The following DLC1 variants were observed in gnomAD, a reference collection of about 807,000 sequenced individuals.
DLC1 encodes the protein rho GTPase-activating protein 7.
DLC1 carries 54 observed loss-of-function variants against 140.3 expected under a neutral mutation model. The ratio of observed to expected loss-of-function variants is 0.38; its 90% CI spans 0.31 to 0.48. The LOEUF (loss-of-function observed/expected upper bound fraction) is 0.48. Among genes scored for constraint, DLC1 ranks in the 20% least tolerant of loss-of-function variants. The pLI is 0.96. For synonymous variants in DLC1, 986 were observed against 728.1 expected, an observed-to-expected ratio of 1.35 and a Z score of -5.70; for missense variants, 2,536 against 1,907.0, an observed-to-expected ratio of 1.33 and a Z score of -6.14.
At chr8:13,495,306 T>C (rs1801451653) in intron 2 of DLC1, among the ~76,000 whole-genome samples, 1 of 152,184 alleles carries the variant, frequency 6.6e-6, no homozygotes, top group South Asian at 2.1e-4. Context: ...CTAAATGTTT[T>C]CCATCTTCAC....
chr8:13,179,689 C>G (rs1270237929), intron 5 of DLC1, among the ~76,000 whole-genome samples: 1 of 152,010 alleles, frequency 6.6e-6, no homozygotes, highest in Non-Finnish European at 1.5e-5. Flanking sequence ...CCACTGCATT[C>G]CAGCCTGGGC....
chr8:13,236,259 A>G (rs1467760056), intron 5 of DLC1, among the ~76,000 whole-genome samples: 1 of 152,060 alleles, frequency 6.6e-6, no homozygotes, highest in East Asian at 1.9e-4. Flanking sequence ...TTACTGTTAC[A>G]TATTCTTGAT....
At chr8:13,435,937 A>G (rs551290315) in intron 2 of DLC1, among the ~76,000 whole-genome samples, 15 of 152,328 alleles carry the variant, frequency 9.8e-5, no homozygotes, top group Non-Finnish European at 1.6e-4. Flanking sequence ...AGCTGCATCA[A>G]TATCAAGGCA....
chr8:13,127,667 G>A (rs1821700528), intron 5 of DLC1, among the ~76,000 whole-genome samples: 1 of 152,254 alleles, frequency 6.6e-6, no homozygotes, highest in South Asian at 2.1e-4. Flanking sequence ...CACTTCTGAA[G>A]TCTCTTCTTC....
intron 1 of DLC1, chr8:13,568,233 C>G (rs908341217): frequency 1.0e-5 from 3 of 290,112 alleles, no homozygotes; most frequent in Non-Finnish European, 2.0e-5. Context: ...TAATAACTGT[C>G]TTTGGCGATC....
At chr8:13,559,631 C>T (rs746064894) in intron 1 of DLC1, among the ~76,000 whole-genome samples, 5 of 152,100 alleles carry the variant, frequency 3.3e-5, no homozygotes, top group African/African-American at 1.2e-4. Context: ...CAATAAAATG[C>T]TTTGCAAAGA....
intron 4 of DLC1, among the ~76,000 whole-genome samples, chr8:13,334,002 C>T (rs867813961): frequency 1.2e-4 from 19 of 152,078 alleles, no homozygotes; most frequent in South Asian, 6.2e-4. Context: ...GATTGCCTAA[C>T]GACATGGAAA....
At chr8:13,449,750 C>G (rs1244223778) in intron 2 of DLC1, among the ~76,000 whole-genome samples, 1 of 152,116 alleles carries the variant, frequency 6.6e-6, no homozygotes, top group African/African-American at 2.4e-5. Context: ...AGCACACCAA[C>G]ATGGCACATC....
intron 5 of DLC1, among the ~76,000 whole-genome samples, chr8:13,116,939 C>T (rs890276929): frequency 1.3e-5 from 2 of 152,110 alleles, no homozygotes; most frequent in African/African-American, 2.4e-5. Context: ...GACTTAGGAC[C>T]GAAATGGGAG....
intron 5 of DLC1, chr8:13,116,313 T>C: frequency 1.2e-6 from 1 of 837,860 alleles, no homozygotes; most frequent in Non-Finnish European, 1.4e-6. Flanking sequence ...TCACATCTTG[T>C]AGATAGAATC....
At chr8:13,245,932 C>A (rs949267378) in intron 5 of DLC1, among the ~76,000 whole-genome samples, 1 of 152,084 alleles carries the variant, frequency 6.6e-6, no homozygotes, top group Admixed American at 6.5e-5. Context: ...GAACTCCTGA[C>A]CTCAAGTGAT....
chr8:13,142,585 G>C (rs1823083322), intron 5 of DLC1, among the ~76,000 whole-genome samples: 1 of 152,020 alleles, frequency 6.6e-6, no homozygotes, highest in Non-Finnish European at 1.5e-5. Flanking sequence ...AAAAGTAAAA[G>C]GAAAATTAGG....
In DLC1 at chr8:13,134,020, G is replaced by T. The variant is rs914948041; in HGVS notation, c.1349-18363C>A. Among the ~76,000 whole-genome samples the T allele has an allele frequency of 2.6e-5, 4 of 152,222 alleles. 1 individual carries two copies. The highest frequency in any genetic ancestry group is 5.9e-5 in the Non-Finnish European group (4 of 68,048). On this transcript the variant is annotated intron_variant, in intron 5 of 17. Coordinates refer to ENST00000276297, the MANE Select transcript of DLC1 (RefSeq NM_182643.3). ...TTCTCAAACTGGCCCTTGGGCCACAGTCCGAATGCAGCTCCTGGAACTGCC... is the reference window on the plus strand; with the variant it reads ...TTCTCAAACTGGCCCTTGGGCCACATTCCGAATGCAGCTCCTGGAACTGCC...
intron 1 of DLC1, among the ~76,000 whole-genome samples, chr8:13,598,350 G>C (rs1455004702): frequency 6.6e-6 from 1 of 151,446 alleles, no homozygotes; most frequent in Non-Finnish European, 1.5e-5. Flanking sequence ...AACACAACAA[G>C]GGTGTCTCTA....
At chr8:13,253,053 T>C (rs997271101) in intron 5 of DLC1, among the ~76,000 whole-genome samples, 8 of 152,128 alleles carry the variant, frequency 5.3e-5, no homozygotes, top group African/African-American at 1.4e-4. Context: ...TGAGAAGCCA[T>C]CGTATGATCA....
At chr8:13,193,526 C>T (rs950559374) in intron 5 of DLC1, among the ~76,000 whole-genome samples, 2 of 152,184 alleles carry the variant, frequency 1.3e-5, no homozygotes, top group African/African-American at 4.8e-5. Context: ...CCTACTCCCT[C>T]CCACCATTTC....
chr8:13,166,845 GC>G, intron 5 of DLC1, among the ~76,000 whole-genome samples: 1 of 152,310 alleles, frequency 6.6e-6, no homozygotes, highest in Non-Finnish European at 1.5e-5. Flanking sequence ...CCTAGGTGGG[GC>G]CTGAGAGGTG....
intron 2 of DLC1, among the ~76,000 whole-genome samples, chr8:13,476,397 T>A (rs551322164): frequency 3.3e-5 from 5 of 152,080 alleles, no homozygotes; most frequent in Non-Finnish European, 7.4e-5. Flanking sequence ...AATTTTCTTA[T>A]GCCCTTAAGA....
At chr8:13,414,893 C>A (rs1276447148) in intron 2 of DLC1, among the ~76,000 whole-genome samples, 3 of 152,102 alleles carry the variant, frequency 2.0e-5, no homozygotes, top group African/African-American at 7.2e-5. Context: ...CCACTGCAAC[C>A]TCCACCTCCC....
Sources: gnomAD v4.1 joint callset for allele counts (sites outside exome capture counted in the v4.1 genomes callset) on GRCh38, gnomAD v4.1.1 for gene constraint, MANE v1.5 for transcripts, NCBI Gene and HGNC (gene_info 2026-07-23, HGNC 2026-07-21) for gene names.